The following HIBADH variants were observed in gnomAD, a reference collection of about 807,000 sequenced individuals.
HIBADH encodes 3-hydroxyisobutyrate dehydrogenase, mitochondrial.
In HIBADH, 25 loss-of-function variants were observed where a neutral mutation model predicts 36.1. The ratio of observed to expected loss-of-function variants is 0.69; its 90% CI spans 0.50 to 0.97. The LOEUF is 0.97. Ranked by LOEUF, HIBADH falls within the 50% of genes least tolerant of loss-of-function variation. The probability of loss-of-function intolerance (pLI) is 0.00; values close to 1 mark genes in which losing one functional copy is unlikely to be tolerated. For missense variants in HIBADH, 421 were observed against 418.0 expected (o/e 1.01, Z -0.06); for synonymous variants, 160 against 149.5 (o/e 1.07, Z -0.51).
rs1038253126 is a variant in HIBADH, at chr7:27,536,207, A to G, written c.695+2134T>C. ...TAAACCGTGAAGAAAAGACAATAGC[A>G]GAAGCATTCATTTTTAGGGTCTTTA... is the stretch of plus-strand genomic sequence containing the variant. On this transcript the variant is annotated intron_variant, in intron 6 of 7. Coordinates refer to ENST00000265395, the MANE Select transcript of HIBADH (RefSeq NM_152740.4). 1.1e-4 allele frequency among the ~76,000 whole-genome samples: 17 copies of G among 152,306 alleles called. No homozygotes were observed. The East Asian group carries it at 3.3e-3, about 29-fold the overall frequency.
chr7:27,625,138 G>C (rs1214767844), intron 4 of HIBADH, among the ~76,000 whole-genome samples: 1 of 152,126 alleles, frequency 6.6e-6, no homozygotes, highest in Admixed American at 6.6e-5. Context: ...TAGCCAAATG[G>C]GTGAGCAGGG....
chr7:27,632,524 C>A, intron 2 of HIBADH, 79 bp from the exon 3 acceptor site: 6 of 764,814 alleles, frequency 7.8e-6, no homozygotes, highest in Non-Finnish European at 9.0e-6. Context: ...ATCCACTTTT[C>A]ATGCATGCCT....
chr7:27,551,001 C>CACATACACAT (rs773111626), intron 4 of HIBADH, among the ~76,000 whole-genome samples: 42 of 122,104 alleles, frequency 3.4e-4, no homozygotes, highest in Non-Finnish European at 6.8e-4. Context: ...ACCAAACACA[C>CACATACACAT]ACATACACAT....
At chr7:27,544,005 A>C (rs911963423) in intron 4 of HIBADH, among the ~76,000 whole-genome samples, 1 of 152,168 alleles carries the variant, frequency 6.6e-6, no homozygotes, top group African/African-American at 2.4e-5. Context: ...ATTGAAAGAA[A>C]TCTTGATTCA....
chr7:27,594,025 A>AAAAT (rs538937381), intron 4 of HIBADH, among the ~76,000 whole-genome samples: 9,564 of 149,562 alleles, frequency 0.064, 331 homozygotes, highest in Middle Eastern at 0.1. Flanking sequence ...TCCGTCTCAA[A>AAAAT]AAATAAATAA....
Position 27,525,968 on chromosome 7 carries a change from T to G in HIBADH, c.*246A>C, listed in dbSNP as rs556994468. ...TTGAGGATGCTTGGGGATCAAACTTTGTAAAAAGGTCAATTAAGCTAGTTA... is the reference window on the plus strand; with the variant it reads ...TTGAGGATGCTTGGGGATCAAACTTGGTAAAAAGGTCAATTAAGCTAGTTA... On this transcript the variant is annotated 3_prime_UTR_variant, in exon 8 of 8. Coordinates refer to ENST00000265395, the MANE Select transcript of HIBADH (RefSeq NM_152740.4). The G allele has an allele frequency of 3.3e-4, 85 of 259,852 alleles. 1 individual carries two copies. The South Asian group carries it at 6.2e-3, about 19-fold the overall frequency. The allele number at this position is 259,852 out of a possible 1,614,324, so 16.1% of individuals were successfully genotyped here.
rs574548170 is a variant in HIBADH at position 27,538,558 on chromosome 7, C to A, written c.619-141G>T. 6 of 696,176 alleles carry A rather than the reference C, an allele frequency of 8.6e-6. No individual in the cohort carries two copies. In the African/African-American group the frequency reaches 1.1e-4, roughly 12 times the overall value. 43.1% of individuals were successfully genotyped at this position (696,176 alleles called of 1,614,324 possible). A position where few individuals can be genotyped will look rare whatever the true frequency, so the allele number is the denominator to read the frequency against. ...TGATTTTCTCGAGTGCGGAAGAGAA[C>A]CTGATGCAGCATGGCTCCCTCTGAA... On this transcript the variant is annotated intron_variant, in intron 5 of 7. Transcript: ENST00000265395.
At chr7:27,584,235 C>G (rs1341280073) in intron 4 of HIBADH, among the ~76,000 whole-genome samples, 1 of 151,982 alleles carries the variant, frequency 6.6e-6, no homozygotes, top group East Asian at 1.9e-4. Context: ...AAATCTATCC[C>G]TCTATTTTGT....
intron 1 of HIBADH, among the ~76,000 whole-genome samples, chr7:27,655,320 G>T (rs931406113): frequency 3.0e-4 from 45 of 152,148 alleles, no homozygotes; most frequent in African/African-American, 1.1e-3. Flanking sequence ...ATGGTAGTTT[G>T]GTTACATAGG....
intron 7 of HIBADH, among the ~76,000 whole-genome samples, chr7:27,529,281 G>A (rs1783957789): frequency 6.6e-6 from 1 of 152,294 alleles, no homozygotes; most frequent in African/African-American, 2.4e-5. Context: ...TCTTATGTGA[G>A]AAGTATTTCA....
At chr7:27,585,266 TGTATGTGTATGTATATGCACACAC>T (rs961870725) in intron 4 of HIBADH, among the ~76,000 whole-genome samples, 1 of 45,442 alleles carries the variant, frequency 2.2e-5, no homozygotes, top group African/African-American at 1.3e-4. Flanking sequence ...CACGTGTGTA[TGTATGTGTATGTATATGCACACAC>T]GTGTGTGTAT....
chr7:27,567,409 G>A (rs1287268507), intron 4 of HIBADH, among the ~76,000 whole-genome samples: 1 of 151,836 alleles, frequency 6.6e-6, no homozygotes, highest in Non-Finnish European at 1.5e-5. Flanking sequence ...AACACATTTT[G>A]GTCTCTTTTT....
At chr7:27,578,278 G>A (rs1784743109) in intron 4 of HIBADH, among the ~76,000 whole-genome samples, 1 of 151,694 alleles carries the variant, frequency 6.6e-6, no homozygotes, top group South Asian at 2.1e-4. Flanking sequence ...GTACATTAGG[G>A]TTACAGTAAG....
At position 27,562,339 on chromosome 7, in the gene HIBADH, A is replaced by G. The variant is rs544887648; in HGVS notation, c.485-19239T>C. Among the ~76,000 whole-genome samples, 10 of 152,358 alleles carry G rather than the reference A, an allele frequency of 6.6e-5. No homozygotes were observed. The South Asian group carries it at 1.9e-3, about 28-fold the overall frequency. On this transcript the variant is annotated intron_variant, in intron 4 of 7. Coordinates refer to ENST00000265395, the MANE Select transcript of HIBADH (RefSeq NM_152740.4). ...GAAGACCTTTAGACATTCCTTGCTC[A>G]CACATTACTTCTGTTCAGTATTTTA...
chr7:27,660,980 A>G (rs1313456984), intron 1 of HIBADH, among the ~76,000 whole-genome samples: 2 of 152,182 alleles, frequency 1.3e-5, no homozygotes, highest in African/African-American at 4.8e-5. Flanking sequence ...TAAAACCACT[A>G]AACAGCAAAT....
At position 27,530,549 on chromosome 7, in the gene HIBADH, AC is replaced by A. The variant is rs1486943168; in HGVS notation, c.852+642del. On this transcript the variant is annotated intron_variant, in intron 7 of 7. Coordinates refer to ENST00000265395, the MANE Select transcript of HIBADH (RefSeq NM_152740.4). ...TCAGGAAAAACAAACAAACAAACAA[AC>A]AAACAAAAACCAACCCTCAACTGGG... 2.8e-3 allele frequency among the ~76,000 whole-genome samples: 427 copies of A among 151,928 alleles called. 2 individuals are homozygous for A. The highest frequency in any genetic ancestry group is 8.8e-3 in the African/African-American group (364 of 41,344).
chr7:27,657,957 C>T (rs544628892), intron 1 of HIBADH, among the ~76,000 whole-genome samples: 2 of 152,254 alleles, frequency 1.3e-5, no homozygotes, highest in East Asian at 1.9e-4. Flanking sequence ...GTATTAGTTA[C>T]TCTTACCAAA....
chr7:27,574,211 A>C (rs932915566), intron 4 of HIBADH, among the ~76,000 whole-genome samples: 1 of 152,160 alleles, frequency 6.6e-6, no homozygotes, highest in Non-Finnish European at 1.5e-5. Context: ...TAGAAATTAG[A>C]TAGTTGGAAT....
At chr7:27,556,927 C>G (rs1474489555) in intron 4 of HIBADH, among the ~76,000 whole-genome samples, 2 of 152,076 alleles carry the variant, frequency 1.3e-5, no homozygotes, top group Non-Finnish European at 2.9e-5. Flanking sequence ...GAGGATAGAG[C>G]CTGAGCCCAG....
Sources: gnomAD v4.1 joint callset for allele counts (sites outside exome capture counted in the v4.1 genomes callset) on GRCh38, gnomAD v4.1.1 for gene constraint, MANE v1.5 for transcripts, NCBI Gene and HGNC (gene_info 2026-07-23, HGNC 2026-07-21) for gene names.